Variants in SCNN1A observed in about 807,000 individuals in gnomAD.
The protein encoded by SCNN1A is epithelial sodium channel subunit alpha.
SCNN1A carries 65 observed loss-of-function variants against 68.6 expected under a neutral mutation model. The observed-to-expected ratio is 0.95, with a 90% CI of 0.78 to 1.16. The LOEUF is 1.16. Among genes scored for constraint, SCNN1A ranks in the 50% most tolerant of loss-of-function variants. The probability of loss-of-function intolerance (pLI) is 0.00; values close to 1 mark genes in which losing one functional copy is unlikely to be tolerated. For synonymous variants in SCNN1A, 357 were observed against 353.3 expected, an observed-to-expected ratio of 1.01 and a Z score of -0.12; for missense variants, 880 against 865.9, an observed-to-expected ratio of 1.02 and a Z score of -0.20.
At chr12:6,362,407 G>T (rs745716305) in intron 3 of SCNN1A, among the ~76,000 whole-genome samples, 166 bp from the exon 4 acceptor site, 36 of 152,200 alleles carry the variant, frequency 2.4e-4, no homozygotes, top group Admixed American at 1.2e-3. Flanking sequence ...AAGTCCCTAG[G>T]AGCATGGACC....
At chr12:6,352,954 G>A (rs1254666523) in intron 8 of SCNN1A, among the ~76,000 whole-genome samples, 1 of 152,224 alleles carries the variant, frequency 6.6e-6, no homozygotes, top group Middle Eastern at 3.2e-3. Context: ...CCCACCCTGT[G>A]GGACAGCTGG....
At position 6,349,187 on chromosome 12, in the gene SCNN1A, G is replaced by A. The variant is rs775543049; in HGVS notation, c.1474C>T (p.Arg492Ter). 7.4e-6 allele frequency: 12 copies of A among 1,613,938 alleles called. No individual in the cohort carries two copies. The highest frequency in any genetic ancestry group is 2.2e-5 in the South Asian group (2 of 91,080). ...TSYQLSAGYS[R>*]WPSVTSQEWV... ...ACCTGGGATGTCACCGAGGGCCATCGTGAGTAACCAGCAGAGAGCTGGTAG... is the reference window on the plus strand; with the variant it reads ...ACCTGGGATGTCACCGAGGGCCATCATGAGTAACCAGCAGAGAGCTGGTAG... Residue 492 changes from arginine to a stop codon, truncating the protein, a stop_gained, in exon 10 of 13, where the codon CGA becomes TGA. Transcript: ENST00000228916. LOFTEE classifies it high-confidence loss of function.
At chr12:6,348,289 G>A (rs754693872) in intron 12 of SCNN1A, 36 bp from the exon 13 acceptor site, 5 of 1,613,324 alleles carry the variant, frequency 3.1e-6, no homozygotes, top group South Asian at 1.1e-5. Context: ...ATGGGACAGA[G>A]GGTTCTGGAT....
At chr12:6,375,967 TG>T, upstream of SCNN1A, 1 of 910,752 alleles carries the variant, frequency 1.1e-6, no homozygotes, top group Non-Finnish European at 1.3e-6. Context: ...TAGAGGCAGG[TG>T]GGGGGCAGTG....
At position 6,372,758 on chromosome 12, in the gene SCNN1A, G is replaced by T. The variant is rs553258843; in HGVS notation, c.416+1610C>A. On this transcript the variant is annotated intron_variant, in intron 2 of 12. Coordinates refer to ENST00000228916, the MANE Select transcript of SCNN1A (RefSeq NM_001038.6). This position sits in a 1 kb window ranked among gnomAD's most constrained non-coding sequence, Gnocchi z 5.8. ...GGGTGAAGATGTCTGCAGGCAGCAG[G>T]GGGAGAAAAATGAGGCTAAGAGGAA... 4.1e-4 allele frequency among the ~76,000 whole-genome samples: 62 copies of T among 152,242 alleles called. No individual in the cohort carries two copies. Among genetic ancestry groups the T allele is most frequent in the Non-Finnish European group, 6.8e-4 (46 of 68,028 alleles).
intron 2 of SCNN1A, among the ~76,000 whole-genome samples, chr12:6,365,972 A>G (rs929814015): frequency 6.8e-6 from 1 of 146,010 alleles, no homozygotes; most frequent in African/African-American, 2.4e-5. Context: ...CTCCTGCCTC[A>G]GCCTCCCTAG....
rs999827865 is a variant in SCNN1A at position 6,374,013 on chromosome 12, G to C, written c.416+355C>G. On this transcript the variant is annotated intron_variant, in intron 2 of 12. Transcript: ENST00000228916. The surrounding 1 kb of genome is among the most constrained non-coding windows in gnomAD (Gnocchi z 6.2). ...AGGTCTTATACTTTGCTGGCATCTT[G>C]CTCCAGAAAAGGGATGCAGCTGAGC... Among the ~76,000 whole-genome samples, 1 of 152,142 alleles carries C rather than the reference G, an allele frequency of 6.6e-6. No individual in the cohort carries two copies. The highest frequency in any genetic ancestry group is 2.4e-5 in the African/African-American group (1 of 41,422).
intron 2 of SCNN1A, among the ~76,000 whole-genome samples, chr12:6,364,439 C>T (rs1948640716): frequency 6.6e-6 from 1 of 152,040 alleles, no homozygotes; most frequent in Non-Finnish European, 1.5e-5. Context: ...TTGCAGGGTA[C>T]ACAACAAATA....
rs781695328 is a variant in SCNN1A, at chr12:6,363,498, A to C, written c.629T>G (p.Leu210Trp). The C allele has an allele frequency of 6.8e-6, 11 of 1,608,402 alleles. No homozygotes were observed. The highest frequency in any genetic ancestry group is 8.5e-6 in the Non-Finnish European group (10 of 1,177,490). Residue 210 changes from leucine (L) to tryptophan (W), a missense_variant, in exon 3 of 13, where the codon TTG becomes TGG. By Grantham distance (61) the Leu-to-Trp change is moderately conservative. Coordinates refer to ENST00000228916, the MANE Select transcript of SCNN1A (RefSeq NM_001038.6). The part of the protein sequence containing the change: ...ARRARSVASS[L>W]RDNNPQVDWK... ...GTCCACCTGGGGGTTGTTGTCCCGC[A>C]AGCTGGAGGCCACGCTACGGGCTCG...
chr12:6,367,998 G>A (rs1045423763), intron 2 of SCNN1A, among the ~76,000 whole-genome samples: 1 of 152,142 alleles, frequency 6.6e-6, no homozygotes, highest in African/African-American at 2.4e-5. Flanking sequence ...ATGTAGCTCT[G>A]GTTGAAGGTG....
intron 2 of SCNN1A, among the ~76,000 whole-genome samples, chr12:6,366,859 T>A (rs758933581): frequency 6.6e-6 from 1 of 151,882 alleles, no homozygotes; most frequent in African/African-American, 2.4e-5. Context: ...TTATTTATAA[T>A]AGCCAAAAAG....
intron 1 of SCNN1A, chr12:6,375,059 T>C (rs754708128): frequency 1.2e-4 from 184 of 1,533,004 alleles, no homozygotes; most frequent in Middle Eastern, 3.9e-4. Context: ...GTGCCGGAGC[T>C]GGGCTTCCCT....
chr12:6,377,198 C>A, upstream of SCNN1A: 1 of 1,507,214 alleles, frequency 6.6e-7, no homozygotes, highest in Non-Finnish European at 9.0e-7. Context: ...CTTGCGACTT[C>A]TTAAAGTGAA....
chr12:6,363,796 C>G (rs1042210445), intron 2 of SCNN1A, 86 bp from the exon 3 acceptor site: 1 of 1,327,228 alleles, frequency 7.5e-7, no homozygotes, highest in Non-Finnish European at 1.0e-6. Context: ...CATCTGTGCC[C>G]CGGGAGGCCG....
chr12:6,371,162 G>A (rs1948782160), intron 2 of SCNN1A, among the ~76,000 whole-genome samples: 1 of 152,072 alleles, frequency 6.6e-6, no homozygotes, highest in African/African-American at 2.4e-5. Flanking sequence ...TCAGCAGGTA[G>A]GCAGCCCTGG....
At chr12:6,369,847 A>G (rs1295044649) in intron 2 of SCNN1A, among the ~76,000 whole-genome samples, 2 of 151,922 alleles carry the variant, frequency 1.3e-5, no homozygotes, top group South Asian at 2.1e-4. Flanking sequence ...AAAAAAAAAA[A>G]AAAAAAAATC....
intron 2 of SCNN1A, among the ~76,000 whole-genome samples, chr12:6,369,874 C>G (rs999315237): frequency 6.6e-6 from 1 of 151,888 alleles, no homozygotes; most frequent in Admixed American, 6.6e-5. Flanking sequence ...TCCATGACCC[C>G]GTGATACTAG....
intron 4 of SCNN1A, among the ~76,000 whole-genome samples, chr12:6,360,990 T>G (rs968500627): frequency 6.6e-6 from 1 of 152,232 alleles, no homozygotes; most frequent in African/African-American, 2.4e-5. Context: ...TCATTTACTG[T>G]GGTCTATAAA....
At position 6,354,807 on chromosome 12, in the gene SCNN1A, G is replaced by C. The variant is rs202151383; in HGVS notation, c.1185C>G (p.Thr395=). The C allele has an allele frequency of 6.2e-7, 1 of 1,613,976 alleles. No individual in the cohort carries two copies. The highest frequency in any genetic ancestry group is 8.5e-7 in the Non-Finnish European group (1 of 1,179,982). The change falls in exon 7 of 13, where the codon ACC becomes ACG. Residue 395 remains threonine (T), a synonymous_variant. Coordinates refer to ENST00000228916, the MANE Select transcript of SCNN1A (RefSeq NM_001038.6). ...CAACAGGAACATCACTGCCATTCTT[G>C]GTGCAGTCGCCATAATCGCCCCCAA... The part of the protein sequence containing the change: ...DRLGGDYGDC[T]KNGSDVPVEN...
Sources: gnomAD v4.1 joint callset for allele counts (sites outside exome capture counted in the v4.1 genomes callset) on GRCh38, gnomAD v4.1.1 for gene constraint, Gnocchi (gnomAD v3.1) non-coding constraint, MANE v1.5 for transcripts, NCBI Gene and HGNC (gene_info 2026-07-23, HGNC 2026-07-21) for gene names.